KCNQ3: variants seen among roughly 807,000 people sequenced by gnomAD.
KCNQ3 encodes potassium voltage-gated channel subfamily Q member 3.
Under a neutral mutation model 92.5 loss-of-function variants are expected in KCNQ3, and 30 were observed. That is an observed-to-expected ratio of 0.32 (90% CI 0.24 to 0.44). KCNQ3 has a LOEUF of 0.44. KCNQ3 is among the 20% of genes least tolerant of loss of function. KCNQ3 has a pLI of 1.00. For synonymous variants in KCNQ3, 450 were observed against 468.8 expected, an observed-to-expected ratio of 0.96 and a Z score of 0.52; for missense variants, 913 against 1,140.3, an observed-to-expected ratio of 0.80 and a Z score of 2.87.
chr8:132,209,152 G>C (rs1183003820), intron 1 of KCNQ3, among the ~76,000 whole-genome samples: 1 of 152,130 alleles, frequency 6.6e-6, no homozygotes, highest in Non-Finnish European at 1.5e-5. Context: ...GACACACTGG[G>C]AGCAATTCTA....
chr8:132,131,099 C>T (rs1243580006), intron 14 of KCNQ3, among the ~76,000 whole-genome samples: 1 of 152,044 alleles, frequency 6.6e-6, no homozygotes, highest in Non-Finnish European at 1.5e-5. Context: ...AAGATGGATA[C>T]TATTATTATC....
At chr8:132,178,407 T>A in intron 4 of KCNQ3, among the ~76,000 whole-genome samples, 1 of 152,236 alleles carries the variant, frequency 6.6e-6, no homozygotes, top group East Asian at 1.9e-4. Context: ...TCATTCCACT[T>A]TATGTCTATG....
chr8:132,433,063 C>T (rs961988070), intron 1 of KCNQ3, among the ~76,000 whole-genome samples: 1 of 152,104 alleles, frequency 6.6e-6, no homozygotes, highest in Non-Finnish European at 1.5e-5. Context: ...TGTTCAATGC[C>T]CAAAGAAATT....
chr8:132,315,438 GAT>G (rs540456299), intron 1 of KCNQ3, among the ~76,000 whole-genome samples: 113 of 152,244 alleles, frequency 7.4e-4, no homozygotes, highest in African/African-American at 2.5e-3. Context: ...TAATGGTTAG[GAT>G]ATGTTTTATG....
intron 1 of KCNQ3, among the ~76,000 whole-genome samples, chr8:132,374,540 C>A (rs1819560250): frequency 6.6e-6 from 1 of 152,192 alleles, no homozygotes; most frequent in Non-Finnish European, 1.5e-5. Context: ...ACTTTTATTT[C>A]AGGTTCACAG....
intron 1 of KCNQ3, among the ~76,000 whole-genome samples, chr8:132,347,812 C>T (rs1031424339): frequency 1.3e-5 from 2 of 150,064 alleles, no homozygotes; most frequent in East Asian, 2.0e-4. Context: ...CCCGTCTCTA[C>T]TAAAAATACA....
intron 1 of KCNQ3, among the ~76,000 whole-genome samples, chr8:132,202,316 T>C (rs1372297880): frequency 6.6e-6 from 1 of 152,178 alleles, no homozygotes; most frequent in Non-Finnish European, 1.5e-5. Flanking sequence ...GAACTAGGCT[T>C]CCTTCTATCT....
At chr8:132,474,277 G>A (rs1822357739) in intron 1 of KCNQ3, among the ~76,000 whole-genome samples, 2 of 152,086 alleles carry the variant, frequency 1.3e-5, no homozygotes, top group Non-Finnish European at 2.9e-5. Flanking sequence ...ACTATTCTTT[G>A]AGACTAAAAA....
intron 9 of KCNQ3, among the ~76,000 whole-genome samples, chr8:132,151,353 G>A (rs1036912163): frequency 6.6e-6 from 1 of 152,142 alleles, no homozygotes; most frequent in African/African-American, 2.4e-5. Context: ...TTAATAAAAG[G>A]TTAGAAAAAG....
intron 1 of KCNQ3, among the ~76,000 whole-genome samples, chr8:132,211,140 G>T (rs920531837): frequency 6.6e-6 from 1 of 152,134 alleles, no homozygotes; most frequent in Non-Finnish European, 1.5e-5. Context: ...TTTGATCAAA[G>T]ATTTGATCAA....
chr8:132,208,372 G>A (rs886805921), intron 1 of KCNQ3, among the ~76,000 whole-genome samples: 1 of 152,062 alleles, frequency 6.6e-6, no homozygotes, highest in Non-Finnish European at 1.5e-5. Flanking sequence ...ACAGCATTTT[G>A]TGGCTTTGAG....
intron 13 of KCNQ3, 96 bp downstream of exon 13, chr8:132,134,194 T>G: frequency 3.4e-6 from 3 of 884,738 alleles, no homozygotes; most frequent in Non-Finnish European, 5.8e-6. Flanking sequence ...GAGTGACAAC[T>G]TCACCCACAT....
Position 132,260,540 on chromosome 8 carries a change from AAGAGGAAG to A in KCNQ3, c.387-74367_387-74360del, listed in dbSNP as rs1237306629. Reference sequence around the variant, plus strand: ...GTAGAGAACAATTAGGCTAGATAAGAAGAGGAAGAGAGGAAGAGAGTGTCTGGTAGATG... The same window carrying A: ...GTAGAGAACAATTAGGCTAGATAAGAAGAGGAAGAGAGTGTCTGGTAGATG... On this transcript the variant is annotated intron_variant, in intron 1 of 14. Coordinates refer to ENST00000388996, the MANE Select transcript of KCNQ3 (RefSeq NM_004519.4). Among the ~76,000 whole-genome samples, 6 of 152,280 alleles carry A rather than the reference AAGAGGAAG, an allele frequency of 3.9e-5. No individual in the cohort carries two copies. The East Asian group carries it at 9.6e-4, about 24-fold the overall frequency.
intron 2 of KCNQ3, among the ~76,000 whole-genome samples, 163 bp downstream of exon 2, chr8:132,185,928 G>A (rs1038994329): frequency 1.3e-5 from 2 of 152,154 alleles, no homozygotes; most frequent in South Asian, 2.1e-4. Context: ...TGCCCATGGC[G>A]GGCCATACCA....
intron 1 of KCNQ3, among the ~76,000 whole-genome samples, chr8:132,377,091 G>A (rs1819630941): frequency 6.6e-6 from 1 of 152,226 alleles, no homozygotes; most frequent in African/African-American, 2.4e-5. Flanking sequence ...GTGTCTGTGA[G>A]GATGTTTCCA....
chr8:132,195,290 T>C (rs948206184), intron 1 of KCNQ3, among the ~76,000 whole-genome samples: 2 of 152,250 alleles, frequency 1.3e-5, no homozygotes, highest in Non-Finnish European at 2.9e-5. Flanking sequence ...TTCAAAATGA[T>C]TCCATCTCTT....
chr8:132,183,268 T>A (rs1826851523), intron 3 of KCNQ3, among the ~76,000 whole-genome samples: 1 of 152,164 alleles, frequency 6.6e-6, no homozygotes. Flanking sequence ...AAGACTCTTC[T>A]GGAGTAGAGA....
intron 1 of KCNQ3, among the ~76,000 whole-genome samples, chr8:132,327,666 C>T (rs1164033710): frequency 1.3e-5 from 2 of 152,330 alleles, no homozygotes; most frequent in East Asian, 3.9e-4. Context: ...CCCTGCCTGA[C>T]ACCCCAAGTA....
intron 1 of KCNQ3, among the ~76,000 whole-genome samples, chr8:132,224,200 G>A (rs962228827): frequency 6.9e-6 from 1 of 144,648 alleles, no homozygotes; most frequent in Non-Finnish European, 1.5e-5. Context: ...CTCCCAAAAT[G>A]TTGGAAATTC....
Sources: gnomAD v4.1 joint callset for allele counts (sites outside exome capture counted in the v4.1 genomes callset) on GRCh38, gnomAD v4.1.1 for gene constraint, MANE v1.5 for transcripts, NCBI Gene and HGNC (gene_info 2026-07-23, HGNC 2026-07-21) for gene names.